The following SCAMP1 variants were observed in gnomAD, a reference collection of about 807,000 sequenced individuals.
SCAMP1 encodes the protein secretory carrier membrane protein 1.
In SCAMP1, 15 loss-of-function variants were observed where a neutral mutation model predicts 41.8. The observed-to-expected ratio is 0.36, with a 90% CI of 0.24 to 0.55. The LOEUF is 0.55. Among genes scored for constraint, SCAMP1 ranks in the 20% least tolerant of loss-of-function variants. SCAMP1 has a pLI of 0.86. For missense variants in SCAMP1, 341 were observed against 412.6 expected, an observed-to-expected ratio of 0.83 and a Z score of 1.50; for synonymous variants, 135 against 136.8, an observed-to-expected ratio of 0.99 and a Z score of 0.09.
At chr5:78,388,465 T>C (rs1479660559) in intron 1 of SCAMP1, among the ~76,000 whole-genome samples, 1 of 152,218 alleles carries the variant, frequency 6.6e-6, no homozygotes, top group African/African-American at 2.4e-5. Context: ...AAACTGAAGC[T>C]GTTATAAAAA....
At chr5:78,441,455 T>G (rs964836274) in intron 6 of SCAMP1, among the ~76,000 whole-genome samples, 5 of 152,188 alleles carry the variant, frequency 3.3e-5, no homozygotes, top group Non-Finnish European at 4.4e-5. Flanking sequence ...TTAGGAAATT[T>G]CAAGTGTAAG....
At chr5:78,393,858 C>T (rs1413858427) in intron 2 of SCAMP1, among the ~76,000 whole-genome samples, 2 of 151,926 alleles carry the variant, frequency 1.3e-5, no homozygotes, top group African/African-American at 4.8e-5. Context: ...TTGATTCTCA[C>T]TAGTTTTGGC....
At chr5:78,445,999 T>C (rs1162939632) in intron 6 of SCAMP1, among the ~76,000 whole-genome samples, 1 of 152,238 alleles carries the variant, frequency 6.6e-6, no homozygotes, top group Non-Finnish European at 1.5e-5. Flanking sequence ...TGTCTCCTTA[T>C]TCAGAAATAG....
intron 6 of SCAMP1, among the ~76,000 whole-genome samples, chr5:78,433,099 A>G (rs1003980992): frequency 2.0e-5 from 3 of 152,098 alleles, no homozygotes; most frequent in Non-Finnish European, 4.4e-5. Context: ...TATATCTTAT[A>G]TATATGCTAA....
At chr5:78,375,599 A>G (rs1751046930) in intron 1 of SCAMP1, among the ~76,000 whole-genome samples, 1 of 152,084 alleles carries the variant, frequency 6.6e-6, no homozygotes, top group Admixed American at 6.6e-5. Flanking sequence ...AATATATTCA[A>G]AATAATACCT....
At chr5:78,393,775 T>A (rs1181729093) in intron 2 of SCAMP1, among the ~76,000 whole-genome samples, 1 of 152,192 alleles carries the variant, frequency 6.6e-6, no homozygotes, top group East Asian at 1.9e-4. Flanking sequence ...AAATTATCCT[T>A]AAGAATTGAT....
intron 2 of SCAMP1, among the ~76,000 whole-genome samples, chr5:78,401,334 C>T (rs778853366): frequency 6.6e-6 from 1 of 152,052 alleles, no homozygotes; most frequent in African/African-American, 2.4e-5. Flanking sequence ...GAGGGTATTT[C>T]TAGCCTCATA....
intron 1 of SCAMP1, among the ~76,000 whole-genome samples, chr5:78,379,376 A>G (rs568843760): frequency 4.1e-4 from 62 of 152,356 alleles, no homozygotes; most frequent in African/African-American, 1.4e-3. Flanking sequence ...GGCTTCCTCA[A>G]CACTACAGTT....
chr5:78,394,222 A>C (rs1751588290), intron 2 of SCAMP1, among the ~76,000 whole-genome samples: 1 of 152,184 alleles, frequency 6.6e-6, no homozygotes, highest in Non-Finnish European at 1.5e-5. Context: ...CCTCTAACAT[A>C]ATTCAGGACA....
At chr5:78,389,444 A>G (rs1454168412) in intron 2 of SCAMP1, among the ~76,000 whole-genome samples, 1 of 152,044 alleles carries the variant, frequency 6.6e-6, no homozygotes, top group African/African-American at 2.4e-5. Context: ...TTAAAAATTT[A>G]TTTATTGTAG....
rs774554402 is a variant in SCAMP1, at chr5:78,360,632, C to T, written c.-40C>T. 5 of 1,585,970 alleles carry T rather than the reference C, an allele frequency of 3.2e-6. No homozygotes were observed. The highest frequency in any genetic ancestry group is 4.6e-5 in the East Asian group (2 of 43,086). ...CGGCGGCCTCGCCTCGTCTCTCTCT[C>T]TGCGCCTGGGTCGGGTGGGTGACGC... On this transcript the variant is annotated 5_prime_UTR_variant, in exon 1 of 9. Transcript: ENST00000621999.
At position 78,444,668 on chromosome 5, in the gene SCAMP1, T is replaced by C. The variant is rs542752842; in HGVS notation, c.633-5265T>C. On this transcript the variant is annotated intron_variant, in intron 6 of 8. Coordinates refer to ENST00000621999, the MANE Select transcript of SCAMP1 (RefSeq NM_004866.6). ...GTAGTCTTGATTGTTAGCAACCATG[T>C]TCCAGAAATTTTCAGTATCTTATCA... 3.9e-5 allele frequency among the ~76,000 whole-genome samples: 6 copies of C among 152,352 alleles called. 1 individual carries two copies. In the South Asian group the frequency reaches 1.2e-3, roughly 32 times the overall value.
intron 2 of SCAMP1, among the ~76,000 whole-genome samples, chr5:78,413,230 C>T (rs58118835): frequency 0.27 from 41,427 of 151,906 alleles, 5,946 homozygotes; most frequent in East Asian, 0.54. Flanking sequence ...TGTAGTGACA[C>T]CTCTGTTAGA....
chr5:78,399,317 T>G (rs959509522), intron 2 of SCAMP1, among the ~76,000 whole-genome samples: 1 of 152,214 alleles, frequency 6.6e-6, no homozygotes, highest in African/African-American at 2.4e-5. Flanking sequence ...AAGTTTTCAG[T>G]TCCTTTGGAT....
chr5:78,469,575 A>G (rs1753823256), intron 8 of SCAMP1, among the ~76,000 whole-genome samples: 1 of 152,006 alleles, frequency 6.6e-6, no homozygotes, highest in Non-Finnish European at 1.5e-5. Flanking sequence ...TACTATAACT[A>G]AATTATTATT....
chr5:78,472,113 C>T (rs942837340), intron 8 of SCAMP1, among the ~76,000 whole-genome samples: 7 of 151,936 alleles, frequency 4.6e-5, no homozygotes, highest in Non-Finnish European at 8.8e-5. Context: ...GTCACATACA[C>T]AGTGAGATTT....
intron 6 of SCAMP1, among the ~76,000 whole-genome samples, chr5:78,441,547 C>T (rs1752924970): frequency 6.6e-6 from 1 of 152,222 alleles, no homozygotes; most frequent in African/African-American, 2.4e-5. Flanking sequence ...GGCACGCTGG[C>T]CCATGCCTGT....
intron 1 of SCAMP1, among the ~76,000 whole-genome samples, chr5:78,366,614 A>G (rs1750802669): frequency 6.6e-6 from 1 of 152,236 alleles, no homozygotes. Context: ...ATTTTGTAAC[A>G]TCAAGAATGT....
intron 3 of SCAMP1, among the ~76,000 whole-genome samples, chr5:78,416,049 A>G (rs1419570498): frequency 3.9e-5 from 6 of 152,228 alleles, no homozygotes; most frequent in African/African-American, 1.4e-4. Flanking sequence ...AAATTGAGTT[A>G]TAAAGAATTT....
Sources: gnomAD v4.1 joint callset for allele counts (sites outside exome capture counted in the v4.1 genomes callset) on GRCh38, gnomAD v4.1.1 for gene constraint, MANE v1.5 for transcripts, NCBI Gene and HGNC (gene_info 2026-07-23, HGNC 2026-07-21) for gene names.